VPS45: variants seen among roughly 807,000 people sequenced by gnomAD.
VPS45 encodes vacuolar protein sorting-associated protein 45.
Under a neutral mutation model 75.9 loss-of-function variants are expected in VPS45, and 35 were observed. That is an observed-to-expected ratio of 0.46 (90% CI 0.35 to 0.61). The LOEUF (loss-of-function observed/expected upper bound fraction) is 0.61, where lower values mean the gene tolerates loss of function less well. Among genes scored for constraint, VPS45 ranks in the 20% least tolerant of loss-of-function variants. The probability of loss-of-function intolerance (pLI) is 0.00; values close to 1 mark genes in which losing one functional copy is unlikely to be tolerated. For missense variants in VPS45, 559 were observed against 685.9 expected (o/e 0.81, Z 2.07); for synonymous variants, 220 against 238.2 (o/e 0.92, Z 0.70).
At chr1:150,122,872 A>G (rs1241987356) in intron 14 of VPS45, among the ~76,000 whole-genome samples, 1 of 150,478 alleles carries the variant, frequency 6.6e-6, no homozygotes, top group East Asian at 2.0e-4. Flanking sequence ...GGTGGCACGC[A>G]CCTGTAATCC....
intron 14 of VPS45, among the ~76,000 whole-genome samples, chr1:150,125,356 TA>T (rs1658452905): frequency 6.7e-6 from 1 of 148,856 alleles, no homozygotes; most frequent in South Asian, 2.1e-4. Context: ...TATTTTTTAA[TA>T]TATATATATT....
intron 14 of VPS45, among the ~76,000 whole-genome samples, chr1:150,133,902 T>C (rs1384145852): frequency 2.0e-5 from 3 of 152,212 alleles, no homozygotes; most frequent in African/African-American, 7.2e-5. Context: ...GCTAGATCCA[T>C]GCAGAATCTC....
intron 13 of VPS45, among the ~76,000 whole-genome samples, chr1:150,100,990 A>G (rs113782793): frequency 0.016 from 2,480 of 152,298 alleles, 63 homozygotes; most frequent in African/African-American, 0.054. Flanking sequence ...AAAGAACTTA[A>G]ACAAATTTAC....
intron 3 of VPS45, among the ~76,000 whole-genome samples, chr1:150,073,088 T>A (rs1441039906): frequency 6.6e-6 from 1 of 152,190 alleles, no homozygotes; most frequent in Non-Finnish European, 1.5e-5. Flanking sequence ...AAACTAGGTT[T>A]GTGTTTACTA....
intron 10 of VPS45, among the ~76,000 whole-genome samples, chr1:150,087,404 A>G (rs1656073310): frequency 6.6e-6 from 1 of 152,236 alleles, no homozygotes; most frequent in Non-Finnish European, 1.5e-5. Flanking sequence ...TAATAGTCAC[A>G]AGGCTGATGG....
intron 14 of VPS45, among the ~76,000 whole-genome samples, chr1:150,132,867 T>C (rs587633151): frequency 1.3e-5 from 2 of 152,308 alleles, no homozygotes; most frequent in East Asian, 3.9e-4. Flanking sequence ...ATTGTTGTGA[T>C]GATTAGATGA....
intron 13 of VPS45, among the ~76,000 whole-genome samples, chr1:150,096,981 A>C (rs1656686187): frequency 9.3e-6 from 1 of 107,240 alleles, no homozygotes; most frequent in South Asian, 3.5e-4. Context: ...AAACTACAGT[A>C]CAATATTACG....
At position 150,089,430 on chromosome 1, in the gene VPS45, G is replaced by A. The variant is rs1443962065; in HGVS notation, c.1105-2507G>A. ...CTGGAGTACTGTGGCACGTAATCTC[G>A]GCTCACTGCAACCTCCGCCTCCCAG... On this transcript the variant is annotated intron_variant, in intron 10 of 14. Coordinates refer to ENST00000644510, the MANE Select transcript of VPS45 (RefSeq NM_007259.5). Among the ~76,000 whole-genome samples, 8 of 151,618 alleles carry A rather than the reference G, an allele frequency of 5.3e-5. 1 individual carries two copies. The highest frequency in any genetic ancestry group is 4.2e-4 in the South Asian group (2 of 4,792).
chr1:150,111,430 G>T (rs1210755327), intron 14 of VPS45, among the ~76,000 whole-genome samples: 1 of 152,200 alleles, frequency 6.6e-6, no homozygotes, highest in Non-Finnish European at 1.5e-5. Context: ...CCATCATTGT[G>T]GAAGGCCTTG....
chr1:150,100,441 C>G (rs899392218), intron 13 of VPS45, among the ~76,000 whole-genome samples: 1 of 152,272 alleles, frequency 6.6e-6, no homozygotes, highest in African/African-American at 2.4e-5. Flanking sequence ...CTATTCCTAT[C>G]TAACTACCAA....
intron 14 of VPS45, among the ~76,000 whole-genome samples, chr1:150,130,201 T>TTTTTA (rs1408972428): frequency 1.4e-5 from 2 of 141,114 alleles, no homozygotes; most frequent in Non-Finnish European, 3.1e-5. Context: ...ACACACACTT[T>TTTTTA]TTTTTTTTTT....
At chr1:150,094,112 C>A (rs762139055) in intron 13 of VPS45, among the ~76,000 whole-genome samples, 2 of 152,162 alleles carry the variant, frequency 1.3e-5, no homozygotes, top group Non-Finnish European at 2.9e-5. Context: ...CAAAGGATGG[C>A]TTTCTTTTTG....
chr1:150,139,650 C>T (rs1243871272), intron 14 of VPS45, among the ~76,000 whole-genome samples: 1 of 152,100 alleles, frequency 6.6e-6, no homozygotes, highest in African/African-American at 2.4e-5. Flanking sequence ...TGGGCTCATG[C>T]TCAAGTGATC....
intron 13 of VPS45, among the ~76,000 whole-genome samples, chr1:150,103,424 A>G (rs982066795): frequency 2.6e-5 from 4 of 152,208 alleles, no homozygotes; most frequent in Non-Finnish European, 4.4e-5. Context: ...GAGGAGGCTC[A>G]GGAAAACATT....
intron 10 of VPS45, among the ~76,000 whole-genome samples, chr1:150,086,972 A>AAAC (rs1431752709): frequency 0.081 from 5 of 62 alleles, no homozygotes; most frequent in African/African-American, 0.31. Flanking sequence ...AAACTAAAAC[A>AAAC]AAAAAAAAGA....
chr1:150,087,561 CAATGTA>C (rs1349687910), intron 10 of VPS45, among the ~76,000 whole-genome samples: 1 of 152,106 alleles, frequency 6.6e-6, no homozygotes, highest in African/African-American at 2.4e-5. Flanking sequence ...CCTGAAATCT[CAATGTA>C]ATGTATGCCA....
intron 7 of VPS45, among the ~76,000 whole-genome samples, chr1:150,081,040 CA>C (rs1297800923): frequency 3.9e-5 from 6 of 152,278 alleles, no homozygotes; most frequent in African/African-American, 1.2e-4. Context: ...TCTTAATTCA[CA>C]GGCAAAAAAT....
intron 14 of VPS45, among the ~76,000 whole-genome samples, chr1:150,120,558 A>G (rs1658180992): frequency 6.6e-6 from 1 of 152,178 alleles, no homozygotes; most frequent in African/African-American, 2.4e-5. Flanking sequence ...CATTAGTTTA[A>G]TCTGAAATTG....
intron 14 of VPS45, among the ~76,000 whole-genome samples, chr1:150,134,180 T>C (rs747628485): frequency 1.3e-5 from 2 of 152,186 alleles, no homozygotes; most frequent in Middle Eastern, 3.2e-3. Context: ...CAAGACTTAT[T>C]ATATAGAAAA....
Sources: allele counts gnomAD v4.1 joint callset (sites outside exome capture counted in the v4.1 genomes callset), GRCh38; gene constraint gnomAD v4.1.1; transcripts MANE v1.5; gene names NCBI Gene and HGNC (gene_info 2026-07-23, HGNC 2026-07-21).